Variants in KLHL15 observed in about 807,000 individuals in gnomAD.
KLHL15 encodes the protein kelch-like protein 15.
A neutral mutation model predicts 29.3 loss-of-function variants in KLHL15; 1 was observed. That is an observed-to-expected ratio of 0.03 (90% CI 0.01 to 0.16). The LOEUF (loss-of-function observed/expected upper bound fraction) is 0.16. KLHL15 is among the 10% of genes least tolerant of loss of function. The pLI, the probability that KLHL15 is intolerant of heterozygous loss-of-function variation, is 1.00. For synonymous variants in KLHL15, 212 were observed against 184.5 expected, an observed-to-expected ratio of 1.15 and a Z score of -1.21; for missense variants, 215 against 478.5, an observed-to-expected ratio of 0.45 and a Z score of 5.14.
intron 2 of KLHL15, among the ~76,000 whole-genome samples, chrX:24,012,777 A>G (rs1256845211): frequency 1.8e-5 from 2 of 111,055 alleles, no homozygotes; most frequent in African/African-American, 3.3e-5. Flanking sequence ...AGCATTCTCT[A>G]TCTTCTCAAG....
intron 2 of KLHL15, among the ~76,000 whole-genome samples, chrX:24,007,296 C>T (rs1474839923): frequency 1.9e-5 from 2 of 108,104 alleles, no homozygotes; most frequent in Non-Finnish European, 3.8e-5. Flanking sequence ...AGTTCAAGAC[C>T]AGCCTGATCA....
intron 3 of KLHL15, among the ~76,000 whole-genome samples, chrX:23,991,821 A>C (rs951507272): frequency 2.7e-5 from 3 of 112,235 alleles, no homozygotes; most frequent in Non-Finnish European, 5.6e-5. Context: ...CCTGGGTGAC[A>C]GAGCAAGACT....
intron 2 of KLHL15, among the ~76,000 whole-genome samples, chrX:24,016,097 T>C (rs1403868021): frequency 1.9e-5 from 2 of 107,839 alleles, no homozygotes; most frequent in Admixed American, 1.0e-4. Flanking sequence ...GCTTGTAATC[T>C]CAGCACTTTG....
intron 2 of KLHL15, among the ~76,000 whole-genome samples, chrX:24,014,340 A>C (rs1201706453): frequency 8.9e-6 from 1 of 111,754 alleles, no homozygotes; most frequent in Non-Finnish European, 1.9e-5. Flanking sequence ...TTTGTGTTTC[A>C]TTAATCTGTT....
chrX:24,025,467 A>AG (rs1929909299), intron 1 of KLHL15, among the ~76,000 whole-genome samples: 1 of 100,980 alleles, frequency 9.9e-6, no homozygotes, highest in Non-Finnish European at 2.0e-5. Context: ...GCTGGCCGGC[A>AG]GGGGGCCCAG....
At position 23,987,624 on chromosome X, in the gene KLHL15, G is replaced by A. The variant is rs760808190; in HGVS notation, c.*297C>T. On this transcript the variant is annotated 3_prime_UTR_variant, in exon 4 of 4. Transcript: ENST00000328046. ...CTCTTAGAAGACACATGACTCCTAC[G>A]CTAACATCTGAAAGAAATGTTTAAA... 68 of 214,508 alleles carry A rather than the reference G, an allele frequency of 3.2e-4. No homozygotes were observed. The highest frequency in any genetic ancestry group is 4.9e-4 in the Non-Finnish European group (59 of 119,941). The allele number at this position is 214,508 out of a possible 1,213,427, so 17.7% of individuals were successfully genotyped here.
intron 3 of KLHL15, among the ~76,000 whole-genome samples, chrX:23,991,401 C>T (rs1244003460): frequency 9.3e-6 from 1 of 107,618 alleles, no homozygotes; most frequent in Non-Finnish European, 1.9e-5. Context: ...TGCCTGTAAC[C>T]CCAGCTACTT....
At chrX:24,016,921 C>T (rs1177374422) in intron 2 of KLHL15, among the ~76,000 whole-genome samples, 2 of 111,148 alleles carry the variant, frequency 1.8e-5, no homozygotes, top group Non-Finnish European at 3.8e-5. Context: ...CCCAGGTCAA[C>T]TCTAACTCCA....
intron 2 of KLHL15, among the ~76,000 whole-genome samples, chrX:24,007,511 AT>A (rs57342415): frequency 7.6e-4 from 39 of 51,035 alleles, no homozygotes; most frequent in African/African-American, 6.0e-3. Context: ...AAAAAAAAAT[AT>A]ATATATATAT....
chrX:24,025,989 G>C (rs1224183554), intron 1 of KLHL15, among the ~76,000 whole-genome samples: 1 of 111,628 alleles, frequency 9.0e-6, no homozygotes, highest in African/African-American at 3.2e-5. Context: ...CAAGTTGAGG[G>C]CTAGGAAGCC....
intron 2 of KLHL15, among the ~76,000 whole-genome samples, chrX:24,008,491 G>A (rs1929500158): frequency 8.9e-6 from 1 of 112,210 alleles, no homozygotes; most frequent in Non-Finnish European, 1.9e-5. Context: ...CGTCTGACTC[G>A]GCCTTCCAAA....
intron 2 of KLHL15, among the ~76,000 whole-genome samples, chrX:24,024,471 C>T (rs1929878051): frequency 9.0e-6 from 1 of 111,690 alleles, no homozygotes; most frequent in Admixed American, 9.6e-5. Flanking sequence ...AGGCTCGGTA[C>T]GCGATTTTTT....
intron 2 of KLHL15, among the ~76,000 whole-genome samples, chrX:24,022,998 G>C (rs956150479): frequency 9.0e-6 from 1 of 111,604 alleles, no homozygotes; most frequent in Admixed American, 9.5e-5. Context: ...GCCTCCCAAA[G>C]TGCTGGGATT....
chrX:24,011,066 T>C (rs1040741274), intron 2 of KLHL15, among the ~76,000 whole-genome samples: 10 of 109,028 alleles, frequency 9.2e-5, no homozygotes, highest in African/African-American at 3.0e-4. Flanking sequence ...TCACTAGATT[T>C]ACTACTTTGT....
chrX:24,024,860 G>A lies in KLHL15; in HGVS notation c.-11C>T, dbSNP rs1401861953. 1 of 294,680 alleles carries A rather than the reference G, an allele frequency of 3.4e-6. No individual in the cohort carries two copies. The highest frequency in any genetic ancestry group is 6.1e-5 in the Admixed American group (1 of 16,332). The allele number at this position is 294,680 out of a possible 1,213,427, so 24.3% of individuals were successfully genotyped here. A position where few individuals can be genotyped will look rare whatever the true frequency, so the allele number is the denominator to read the frequency against. On this transcript the variant is annotated 5_prime_UTR_variant, in exon 2 of 4. Coordinates refer to ENST00000328046, the MANE Select transcript of KLHL15 (RefSeq NM_030624.3). ...GCGGCCAGGGGCGGCTACGTACCTC[G>A]GGGGGTCCTGTCCAGCCTCTAGTGG...
At chrX:24,003,783 T>C (rs966257239) in intron 3 of KLHL15, among the ~76,000 whole-genome samples, 7 of 105,990 alleles carry the variant, frequency 6.6e-5, no homozygotes, top group Non-Finnish European at 1.2e-4. Flanking sequence ...ACAGAATACT[T>C]AGTACAAAAA....
intron 2 of KLHL15, among the ~76,000 whole-genome samples, chrX:24,013,762 C>A (rs1929621153): frequency 9.2e-6 from 1 of 109,255 alleles, no homozygotes; most frequent in Non-Finnish European, 1.9e-5. Flanking sequence ...TAATCCCACA[C>A]TTTGGGAGGC....
chrX:23,984,444 A>C lies in KLHL15; in HGVS notation c.*3477T>G, dbSNP rs368563938. ...ATACAAAAACAAAAATCAAAAATGT[A>C]TAACAGGCAAACAAGAAAACTGGCA... is the stretch of plus-strand genomic sequence containing the variant. On this transcript the variant is annotated 3_prime_UTR_variant, in exon 4 of 4. Transcript: ENST00000328046. 8.9e-6 allele frequency: 1 copy of C among 112,400 alleles called. No individual in the cohort carries two copies. The highest frequency in any genetic ancestry group is 3.2e-5 in the African/African-American group (1 of 30,999). 9.3% of individuals were successfully genotyped at this position (112,400 alleles called of 1,213,427 possible). A position where few individuals can be genotyped will look rare whatever the true frequency, so the allele number is the denominator to read the frequency against.
chrX:24,026,100 A>G (rs1041066862), intron 1 of KLHL15, among the ~76,000 whole-genome samples: 5 of 112,060 alleles, frequency 4.5e-5, no homozygotes, highest in Non-Finnish European at 7.5e-5. Context: ...AAGTGACTAG[A>G]TCTGCGCCAA....
Sources: allele counts gnomAD v4.1 joint callset (sites outside exome capture counted in the v4.1 genomes callset), GRCh38; gene constraint gnomAD v4.1.1; transcripts MANE v1.5; gene names NCBI Gene and HGNC (gene_info 2026-07-23, HGNC 2026-07-21).